The following NFS1 variants were observed in gnomAD, a reference collection of about 807,000 sequenced individuals.
NFS1 encodes the protein cysteine desulfurase.
A neutral mutation model predicts 57.3 loss-of-function variants in NFS1; 26 were observed. The ratio of observed to expected loss-of-function variants is 0.45; its 90% CI spans 0.33 to 0.63. The LOEUF is 0.63. Ranked by LOEUF, NFS1 falls within the 20% of genes least tolerant of loss-of-function variation. The pLI, the probability that NFS1 is intolerant of heterozygous loss-of-function variation, is 0.02. For missense variants in NFS1, 505 were observed against 605.8 expected, an observed-to-expected ratio of 0.83 and a Z score of 1.75; for synonymous variants, 209 against 216.3, an observed-to-expected ratio of 0.97 and a Z score of 0.30.
At chr20:35,691,778 C>A (rs1259760994) in intron 4 of NFS1, among the ~76,000 whole-genome samples, 6 of 145,240 alleles carry the variant, frequency 4.1e-5, no homozygotes, top group African/African-American at 1.6e-4. Flanking sequence ...ACGCCAGGTG[C>A]AGTGGCTCAT....
intron 12 of NFS1, among the ~76,000 whole-genome samples, chr20:35,671,540 C>T (rs2146409614): frequency 6.6e-6 from 1 of 152,240 alleles, no homozygotes; most frequent in Admixed American, 6.5e-5. Context: ...CACTGCACTC[C>T]AGCCTGGGTG....
At position 35,669,564 on chromosome 20, in the gene NFS1, T is replaced by C; in HGVS notation, c.*58A>G. 6.6e-7 allele frequency: 1 copy of C among 1,508,848 alleles called. No homozygotes were observed. Among genetic ancestry groups the C allele is most frequent in the East Asian group, 2.3e-5 (1 of 44,380 alleles). The allele number at this position is 1,508,848 out of a possible 1,614,324, so 93.5% of individuals were successfully genotyped here. A position where few individuals can be genotyped will look rare whatever the true frequency, so the allele number is the denominator to read the frequency against. On this transcript the variant is annotated 3_prime_UTR_variant, in exon 13 of 13. Coordinates refer to ENST00000374092, the MANE Select transcript of NFS1 (RefSeq NM_021100.5). ...CTAGGTGTAACAAGGTGTCTGGTTG[T>C]GCACGGGTTGGTGAGGCAGGAGGGG...
chr20:35,671,497 A>G (rs897127645), intron 12 of NFS1, among the ~76,000 whole-genome samples: 1 of 152,156 alleles, frequency 6.6e-6, no homozygotes, highest in African/African-American at 2.4e-5. Context: ...CTTGAGCCCA[A>G]GAGTCCAAAG....
At chr20:35,673,956 A>G in intron 10 of NFS1, 1 of 452,176 alleles carries the variant, frequency 2.2e-6, no homozygotes, top group Non-Finnish European at 4.1e-6. Flanking sequence ...GGGTTTGACA[A>G]GAAGACGCAG....
intron 5 of NFS1, among the ~76,000 whole-genome samples, chr20:35,687,603 G>A (rs890277675): frequency 3.3e-5 from 5 of 152,158 alleles, no homozygotes; most frequent in African/African-American, 9.7e-5. Flanking sequence ...CAGTCTCCGT[G>A]CCTTGGTGGT....
chr20:35,693,005 A>G lies in NFS1; in HGVS notation c.409-2440T>C, dbSNP rs534427947. ...TGACACAGCAAGACTCCCCCTTGGG[A>G]AAAAAAAAAAGAATTAACAGTATCA... On this transcript the variant is annotated intron_variant, in intron 4 of 12. Transcript: ENST00000374092. Among the ~76,000 whole-genome samples, 4 of 117,050 alleles carry G rather than the reference A, an allele frequency of 3.4e-5. No homozygotes were observed. In the East Asian group the frequency reaches 7.7e-4, roughly 22 times the overall value. 76.8% of individuals were successfully genotyped at this position (117,050 alleles called of 152,430 possible).
intron 11 of NFS1, 44 bp downstream of exon 11, chr20:35,673,557 A>G (rs751088750): frequency 8.5e-6 from 13 of 1,531,058 alleles, no homozygotes; most frequent in South Asian, 2.3e-5. Context: ...GATGAAAAAT[A>G]TAAGAGGATG....
chr20:35,669,739 A>C (rs571089029), intron 12 of NFS1, 54 bp from the exon 13 acceptor site: 3 of 1,536,902 alleles, frequency 2.0e-6, no homozygotes, highest in Non-Finnish European at 2.7e-6. Context: ...GAAGTCGACA[A>C]CATTGGCCCC....
At chr20:35,683,884 T>G (rs984161031) in intron 5 of NFS1, among the ~76,000 whole-genome samples, 1 of 150,980 alleles carries the variant, frequency 6.6e-6, no homozygotes, top group African/African-American at 2.5e-5. Flanking sequence ...TCCCAGCACT[T>G]CGGCAGATCA....
At position 35,699,351 on chromosome 20, in the gene NFS1, G is replaced by A; in HGVS notation, c.-63C>T. The A allele has an allele frequency of 1.5e-6, 2 of 1,371,398 alleles. No individual in the cohort carries two copies. Among genetic ancestry groups the A allele is most frequent in the Non-Finnish European group, 1.9e-6 (2 of 1,054,926 alleles). 85.0% of individuals were successfully genotyped at this position (1,371,398 alleles called of 1,614,324 possible). A position where few individuals can be genotyped will look rare whatever the true frequency, so the allele number is the denominator to read the frequency against. ...AGTCCTGGGCCCCAGGCTCCCGGAA[G>A]TGCTGCCCGGCGCTCCGGAAGCGAT... On this transcript the variant is annotated 5_prime_UTR_variant, in exon 1 of 13. Coordinates refer to ENST00000374092, the MANE Select transcript of NFS1 (RefSeq NM_021100.5). This position sits in a 1 kb window ranked among gnomAD's most constrained non-coding sequence, Gnocchi z 4.4.
intron 4 of NFS1, among the ~76,000 whole-genome samples, chr20:35,695,607 C>A (rs965830950): frequency 6.6e-6 from 1 of 152,122 alleles, no homozygotes; most frequent in Non-Finnish European, 1.5e-5. Context: ...GAGGGCACCA[C>A]AAAGACAAGC....
intron 7 of NFS1, among the ~76,000 whole-genome samples, chr20:35,677,257 C>G (rs6060550): frequency 0.068 from 10,300 of 152,054 alleles, 428 homozygotes; most frequent in South Asian, 0.18. Context: ...TTTGGTGGAG[C>G]ACGGTGGCTC....
At chr20:35,688,728 G>GGAGAGAGAGA (rs1184678300) in intron 5 of NFS1, among the ~76,000 whole-genome samples, 1 of 149,820 alleles carries the variant, frequency 6.7e-6, no homozygotes, top group Non-Finnish European at 1.5e-5. Flanking sequence ...AAAGACAGAG[G>GGAGAGAGAGA]GAGAGAGAGA....
In NFS1 at chr20:35,668,869, T is replaced by C. The variant is rs1449749622; in HGVS notation, c.*753A>G. The stretch of plus-strand genomic sequence containing the variant: ...TAAATGAAGAGATACAAAAGCCCAC[T>C]GAGTCATTTATGCAAATCAGATGGA... On this transcript the variant is annotated 3_prime_UTR_variant, in exon 13 of 13. Coordinates refer to ENST00000374092, the MANE Select transcript of NFS1 (RefSeq NM_021100.5). 3 of 152,222 alleles carry C rather than the reference T, an allele frequency of 2.0e-5. No homozygotes were observed. Among genetic ancestry groups the C allele is most frequent in the Non-Finnish European group, 4.4e-5 (3 of 68,040 alleles). 9.4% of individuals were successfully genotyped at this position (152,222 alleles called of 1,614,324 possible). A position where few individuals can be genotyped will look rare whatever the true frequency, so the allele number is the denominator to read the frequency against.
chr20:35,678,494 C>T (rs1319649221), intron 7 of NFS1, among the ~76,000 whole-genome samples: 8 of 150,432 alleles, frequency 5.3e-5, no homozygotes, highest in Non-Finnish European at 1.2e-4. Flanking sequence ...CACCATTGCA[C>T]TCCAGCCTGG....
At chr20:35,679,809 G>T (rs180727178) in intron 7 of NFS1, among the ~76,000 whole-genome samples, 65 of 152,140 alleles carry the variant, frequency 4.3e-4, no homozygotes, top group Non-Finnish European at 1.6e-4. Context: ...CCCAAAAAAG[G>T]CCCTCACTTG....
At chr20:35,677,950 C>T (rs938222447) in intron 7 of NFS1, among the ~76,000 whole-genome samples, 12 of 152,072 alleles carry the variant, frequency 7.9e-5, no homozygotes, top group Admixed American at 2.0e-4. Context: ...CACGGGATTA[C>T]GCCTGTAATT....
At chr20:35,683,949 A>G (rs1222906789) in intron 5 of NFS1, among the ~76,000 whole-genome samples, 1 of 151,746 alleles carries the variant, frequency 6.6e-6, no homozygotes, top group African/African-American at 2.4e-5. Flanking sequence ...GCACTGCTCT[A>G]CTAAAAATAC....
At position 35,696,357 on chromosome 20, in the gene NFS1, C is replaced by T. The variant is rs771524725; in HGVS notation, c.408+20G>A. ...TAGGTCAGGAAAGCCCACATACACCCTCTGGTTCCCTTCTCTTACCTTAAT... is the reference window on the plus strand; with the variant it reads ...TAGGTCAGGAAAGCCCACATACACCTTCTGGTTCCCTTCTCTTACCTTAAT... On this transcript the variant is annotated intron_variant, in intron 4 of 12. Coordinates refer to ENST00000374092, the MANE Select transcript of NFS1 (RefSeq NM_021100.5). The T allele has an allele frequency of 8.3e-6, 13 of 1,569,234 alleles. 1 individual carries two copies. The South Asian group carries it at 1.0e-4, about 12-fold the overall frequency.
Sources: gnomAD v4.1 joint callset for allele counts (sites outside exome capture counted in the v4.1 genomes callset) on GRCh38, gnomAD v4.1.1 for gene constraint, Gnocchi (gnomAD v3.1) non-coding constraint, MANE v1.5 for transcripts, NCBI Gene and HGNC (gene_info 2026-07-23, HGNC 2026-07-21) for gene names.